Variants in UTY observed in about 807,000 individuals in gnomAD.
UTY encodes ubiquitously transcribed tetratricopeptide repeat containing, Y-linked.
UTY carries 12 observed loss-of-function variants against 32.5 expected under a neutral mutation model. That is an observed-to-expected ratio of 0.37 (90% CI 0.24 to 0.60). UTY has a LOEUF of 0.60. Among genes scored for constraint, UTY ranks in the 20% least tolerant of loss-of-function variants. The pLI is 0.69. For synonymous variants in UTY, 131 were observed against 103.4 expected (o/e 1.27, Z -1.62); for missense variants, 303 against 299.2 (o/e 1.01, Z -0.09).
intron 27 of UTY, among the ~76,000 whole-genome samples, chrY:13,283,937 T>C (rs2057193727): frequency 3.0e-5 from 1 of 33,378 alleles, no homozygotes; most frequent in Non-Finnish European, 7.4e-5. Flanking sequence ...CTTGTGGCCT[T>C]AGACAGTCTA....
At chrY:13,263,906 T>C (rs768380929) in intron 27 of UTY, among the ~76,000 whole-genome samples, 3 of 33,774 alleles carry the variant, frequency 8.9e-5, no homozygotes, top group African/African-American at 3.5e-4. Context: ...ATTAGGTATT[T>C]ATCCTAATGC....
chrY:13,334,828 A>G (rs775741550), intron 18 of UTY, among the ~76,000 whole-genome samples: 17 of 33,866 alleles, frequency 5.0e-4, no homozygotes, highest in African/African-American at 1.8e-3. Context: ...CATTTGACCA[A>G]GCCATTCTAT....
intron 8 of UTY, among the ~76,000 whole-genome samples, chrY:13,391,288 C>T: frequency 3.0e-5 from 1 of 33,630 alleles, no homozygotes; most frequent in Non-Finnish European, 7.4e-5. Context: ...AAAAATTACA[C>T]TGTCATTTAA....
chrY:13,463,312 G>A (rs2077591679), intron 3 of UTY, among the ~76,000 whole-genome samples: 1 of 32,887 alleles, frequency 3.0e-5, no homozygotes, highest in Admixed American at 2.8e-4. Flanking sequence ...TGTGAATAGT[G>A]CCTCAATAAT....
chrY:13,341,017 G>A (rs2061451847), intron 17 of UTY, among the ~76,000 whole-genome samples: 1 of 33,054 alleles, frequency 3.0e-5, no homozygotes, highest in Non-Finnish European at 7.5e-5. Flanking sequence ...GGCTGAAGGG[G>A]AAAAGGCCAC....
intron 6 of UTY, among the ~76,000 whole-genome samples, chrY:13,401,051 A>G (rs2068943824): frequency 3.0e-5 from 1 of 33,882 alleles, no homozygotes; most frequent in Admixed American, 2.7e-4. Flanking sequence ...CATTAAGAGT[A>G]GAGATCTTTA....
At chrY:13,363,789 A>G (rs2063778123) in intron 10 of UTY, among the ~76,000 whole-genome samples, 2 of 33,773 alleles carry the variant, frequency 5.9e-5, no homozygotes, top group Non-Finnish European at 1.5e-4. Flanking sequence ...GCCGGCTCTA[A>G]GCCTAAATCC....
chrY:13,458,713 T>C (rs2077099333), intron 3 of UTY, among the ~76,000 whole-genome samples: 1 of 32,902 alleles, frequency 3.0e-5, no homozygotes, highest in Non-Finnish European at 7.4e-5. Flanking sequence ...ATTCTGTAGG[T>C]GGCCTGTTCA....
At chrY:13,459,014 T>C in intron 3 of UTY, among the ~76,000 whole-genome samples, 1 of 31,123 alleles carries the variant, frequency 3.2e-5, no homozygotes, top group African/African-American at 1.3e-4. Context: ...TGGGGACTGT[T>C]GTGGGGTGGG....
intron 4 of UTY, among the ~76,000 whole-genome samples, chrY:13,427,211 A>C (rs2149804682): frequency 5.9e-5 from 2 of 33,875 alleles, no homozygotes; most frequent in African/African-American, 2.3e-4. Flanking sequence ...CACTACAATC[A>C]ATACTGCAAA....
intron 28 of UTY, among the ~76,000 whole-genome samples, chrY:13,258,170 T>C (rs755214771): frequency 2.9e-4 from 10 of 34,192 alleles, no homozygotes; most frequent in Non-Finnish European, 5.1e-4. Context: ...GTAAACACAA[T>C]TGGATCTTGC....
chrY:13,267,390 CTCT>C lies in UTY; in HGVS notation c.4011-6989_4011-6987del, dbSNP rs2055911924. The stretch of plus-strand genomic sequence containing the variant: ...GTTTGCTAAATCTTCCTCCATCTCT[CTCT>C]TTTTTTTTGATCCTAAGTGTGTCTC... On this transcript the variant is annotated intron_variant, in intron 27 of 29. Coordinates refer to ENST00000545955, the MANE Select transcript of UTY (RefSeq NM_001258249.2). Among the ~76,000 whole-genome samples, 24 of 32,921 alleles carry C rather than the reference CTCT, an allele frequency of 7.3e-4. No homozygotes were observed. The South Asian group carries it at 0.016, about 22-fold the overall frequency. The allele number at this position is 32,921 out of a possible 37,273, so 88.3% of individuals were successfully genotyped here.
chrY:13,362,711 A>C, intron 10 of UTY, among the ~76,000 whole-genome samples: 1 of 33,071 alleles, frequency 3.0e-5, no homozygotes, highest in African/African-American at 1.2e-4. Context: ...GCAAAGAAAA[A>C]ATTTTCCATG....
chrY:13,373,084 T>C, intron 8 of UTY, among the ~76,000 whole-genome samples: 1 of 33,672 alleles, frequency 3.0e-5, no homozygotes, highest in Non-Finnish European at 7.3e-5. Context: ...CCGCTGTGTA[T>C]AGCAGTATTA....
chrY:13,387,628 G>A (rs2067015563), intron 8 of UTY, among the ~76,000 whole-genome samples: 1 of 32,613 alleles, frequency 3.1e-5, no homozygotes, highest in African/African-American at 1.2e-4. Flanking sequence ...TGGCAAATGC[G>A]GTGAAATCCC....
At chrY:13,364,167 A>C in intron 10 of UTY, among the ~76,000 whole-genome samples, 1 of 31,564 alleles carries the variant, frequency 3.2e-5, no homozygotes, top group Admixed American at 2.9e-4. Flanking sequence ...CAAAGTTAAC[A>C]GAAAAACTAA....
At chrY:13,268,042 G>A in intron 27 of UTY, among the ~76,000 whole-genome samples, 1 of 32,173 alleles carries the variant, frequency 3.1e-5, no homozygotes, top group Admixed American at 2.8e-4. Context: ...GGTGTTCTCT[G>A]GGTATTTCCT....
At position 13,444,826 on chromosome Y, in the gene UTY, C is replaced by A. The variant is rs2150006029; in HGVS notation, c.375+4191G>T. ...TTAACAAAAATCTATGTCACTTCAC[C>A]AACAATAGCAGGATATACATTCTTC... On this transcript the variant is annotated intron_variant, in intron 4 of 29. Transcript: ENST00000545955. Among the ~76,000 whole-genome samples the A allele has an allele frequency of 1.5e-4, 5 of 32,642 alleles. No homozygotes were observed. The South Asian group carries it at 3.4e-3, about 22-fold the overall frequency. 87.6% of individuals were successfully genotyped at this position (32,642 alleles called of 37,273 possible).
At chrY:13,357,503 A>C (rs2063056158) in intron 15 of UTY, among the ~76,000 whole-genome samples, 1 of 31,752 alleles carries the variant, frequency 3.1e-5, no homozygotes, top group African/African-American at 1.2e-4. Flanking sequence ...CAGTGAGCTG[A>C]TATCATGCTA....
Sources: gnomAD v4.1 joint callset for allele counts (sites outside exome capture counted in the v4.1 genomes callset) on GRCh38, gnomAD v4.1.1 for gene constraint, MANE v1.5 for transcripts, NCBI Gene and HGNC (gene_info 2026-07-23, HGNC 2026-07-21) for gene names.